Variants in CTNNA3 observed in about 807,000 individuals in gnomAD.
CTNNA3 encodes the protein catenin alpha-3.
In CTNNA3, 76 loss-of-function variants were observed where a neutral mutation model predicts 95.7. The observed-to-expected ratio is 0.79, with a 90% CI of 0.66 to 0.96. CTNNA3 has a LOEUF of 0.96. Ranked by LOEUF, CTNNA3 falls within the 40% of genes least tolerant of loss-of-function variation. CTNNA3 has a pLI of 0.00. For missense variants in CTNNA3, 1,191 were observed against 1,089.8 expected, an observed-to-expected ratio of 1.09 and a Z score of -1.31; for synonymous variants, 431 against 374.4, an observed-to-expected ratio of 1.15 and a Z score of -1.74.
At chr10:67,109,009 T>G in intron 7 of CTNNA3, among the ~76,000 whole-genome samples, 1 of 152,306 alleles carries the variant, frequency 6.6e-6, no homozygotes, top group East Asian at 1.9e-4. Flanking sequence ...GTCAGAAGTT[T>G]TCTGTTTTGT....
intron 7 of CTNNA3, among the ~76,000 whole-genome samples, chr10:67,152,793 T>C (rs1589800077): frequency 6.6e-6 from 1 of 151,902 alleles, no homozygotes; most frequent in Admixed American, 6.6e-5. Flanking sequence ...CAGTAAACCT[T>C]TATATAGCTT....
intron 13 of CTNNA3, among the ~76,000 whole-genome samples, chr10:66,230,947 A>G (rs1227670804): frequency 1.3e-5 from 2 of 152,140 alleles, no homozygotes; most frequent in African/African-American, 4.8e-5. Flanking sequence ...GAAGGTCAGC[A>G]AGCCCCAGGG....
chr10:66,938,132 A>G (rs1217172785), intron 7 of CTNNA3, among the ~76,000 whole-genome samples: 1 of 152,206 alleles, frequency 6.6e-6, no homozygotes, highest in Non-Finnish European at 1.5e-5. Context: ...ACTTAATTGT[A>G]TCAACCTTAT....
chr10:66,364,587 C>G (rs963383110), intron 12 of CTNNA3, among the ~76,000 whole-genome samples: 48 of 152,028 alleles, frequency 3.2e-4, no homozygotes, highest in African/African-American at 1.0e-3. Context: ...AATTTGAAAA[C>G]AGCTAAATAG....
chr10:66,119,364 A>C (rs186514169), intron 13 of CTNNA3, among the ~76,000 whole-genome samples: 11 of 152,130 alleles, frequency 7.2e-5, no homozygotes, highest in African/African-American at 2.7e-4. Flanking sequence ...CAAAGTGTTC[A>C]GTTTGGTTTG....
chr10:67,041,266 C>T (rs1167959160), intron 7 of CTNNA3, among the ~76,000 whole-genome samples: 1 of 152,086 alleles, frequency 6.6e-6, no homozygotes, highest in Non-Finnish European at 1.5e-5. Context: ...CCAACTAGTG[C>T]TTGAATGTTG....
At chr10:67,106,624 C>A (rs10997512) in intron 7 of CTNNA3, among the ~76,000 whole-genome samples, 2 of 151,922 alleles carry the variant, frequency 1.3e-5, no homozygotes, top group Non-Finnish European at 2.9e-5. Context: ...AGATAAGAAA[C>A]GGATGCACAA....
At chr10:66,144,426 AT>A (rs1305322047) in intron 13 of CTNNA3, among the ~76,000 whole-genome samples, 1 of 152,108 alleles carries the variant, frequency 6.6e-6, no homozygotes, top group Non-Finnish European at 1.5e-5. Flanking sequence ...TTAATAATGT[AT>A]TTGTAGCCTC....
intron 12 of CTNNA3, among the ~76,000 whole-genome samples, chr10:66,313,822 A>G (rs1166866052): frequency 6.6e-6 from 1 of 152,182 alleles, no homozygotes; most frequent in Non-Finnish European, 1.5e-5. Context: ...TTCACTCATT[A>G]CATCTTAAAC....
chr10:67,559,394 C>T (rs528397933), intron 3 of CTNNA3, among the ~76,000 whole-genome samples: 105 of 152,280 alleles, frequency 6.9e-4, no homozygotes, highest in Non-Finnish European at 1.2e-3. Flanking sequence ...TGGAGTGGAC[C>T]TCTAGAAAAC....
chr10:67,691,812 C>A (rs1183278441), intron 1 of CTNNA3, among the ~76,000 whole-genome samples: 2 of 140,960 alleles, frequency 1.4e-5, no homozygotes, highest in South Asian at 2.3e-4. Context: ...AGGTGAGGGG[C>A]GCCTCTGCCC....
At chr10:66,508,208 C>CTTTTTTTTTTTTTTTTTTTTTTT (rs1564498973) in intron 11 of CTNNA3, among the ~76,000 whole-genome samples, 1 of 87,550 alleles carries the variant, frequency 1.1e-5, no homozygotes, top group African/African-American at 5.1e-5. Context: ...GTTTTGTTTT[C>CTTTTTTTTTTTTTTTTTTTTTTT]TGTTTTTTTT....
intron 9 of CTNNA3, among the ~76,000 whole-genome samples, chr10:66,654,438 C>A (rs1846009152): frequency 6.6e-6 from 1 of 151,974 alleles, no homozygotes; most frequent in Non-Finnish European, 1.5e-5. Flanking sequence ...TGGCTATTAT[C>A]AAAAGGACCA....
At chr10:66,357,474 G>A (rs113357089) in intron 12 of CTNNA3, among the ~76,000 whole-genome samples, 2 of 151,956 alleles carry the variant, frequency 1.3e-5, no homozygotes, top group African/African-American at 4.8e-5. Flanking sequence ...GAAACTCTGC[G>A]CCCTTTAGCC....
intron 7 of CTNNA3, among the ~76,000 whole-genome samples, chr10:66,878,989 G>C (rs907304585): frequency 6.6e-6 from 1 of 152,156 alleles, no homozygotes; most frequent in Non-Finnish European, 1.5e-5. Context: ...GTCAGGCACT[G>C]TGATTAGTGT....
intron 10 of CTNNA3, among the ~76,000 whole-genome samples, chr10:66,552,052 T>C (rs1842235445): frequency 6.6e-6 from 1 of 151,866 alleles, no homozygotes; most frequent in Non-Finnish European, 1.5e-5. Context: ...TACAGGCGTG[T>C]GCCACCACGC....
chr10:66,566,329 T>C (rs1228024094), intron 10 of CTNNA3, among the ~76,000 whole-genome samples: 1 of 152,134 alleles, frequency 6.6e-6, no homozygotes, highest in Non-Finnish European at 1.5e-5. Context: ...GAATCAGGGA[T>C]GATTATCACT....
At chr10:67,605,698 G>A (rs1003898998) in intron 3 of CTNNA3, among the ~76,000 whole-genome samples, 1 of 150,772 alleles carries the variant, frequency 6.6e-6, no homozygotes, top group African/African-American at 2.5e-5. Context: ...TTTTTTTTGA[G>A]ACGAAGTCTC....
chr10:66,532,740 T>C (rs1841514607), intron 10 of CTNNA3, among the ~76,000 whole-genome samples: 1 of 152,150 alleles, frequency 6.6e-6, no homozygotes, highest in Admixed American at 6.5e-5. Flanking sequence ...GGACAACACG[T>C]ATATGAAATC....
Sources: allele counts gnomAD v4.1 joint callset (sites outside exome capture counted in the v4.1 genomes callset), GRCh38; gene constraint gnomAD v4.1.1; transcripts MANE v1.5; gene names NCBI Gene and HGNC (gene_info 2026-07-23, HGNC 2026-07-21).